The following NELL2 variants were observed in gnomAD, a reference collection of about 807,000 sequenced individuals.
The protein encoded by NELL2 is protein kinase C-binding protein NELL2.
NELL2 carries 41 observed loss-of-function variants against 109.6 expected under a neutral mutation model. The ratio of observed to expected loss-of-function variants is 0.37; its 90% CI spans 0.29 to 0.49. The LOEUF is 0.49. NELL2 is among the 20% of genes least tolerant of loss of function. The pLI, the probability that NELL2 is intolerant of heterozygous loss-of-function variation, is 0.98. For synonymous variants in NELL2, 355 were observed against 344.7 expected, an observed-to-expected ratio of 1.03 and a Z score of -0.33; for missense variants, 900 against 1,008.3, an observed-to-expected ratio of 0.89 and a Z score of 1.45.
At chr12:44,666,910 AC>A (rs1480031497) in intron 12 of NELL2, among the ~76,000 whole-genome samples, 1 of 152,106 alleles carries the variant, frequency 6.6e-6, no homozygotes, top group Admixed American at 6.5e-5. Context: ...CATCCTTTAT[AC>A]ATACTGTTCT....
intron 12 of NELL2, among the ~76,000 whole-genome samples, chr12:44,691,591 T>C (rs2136396003): frequency 1.3e-5 from 2 of 152,262 alleles, no homozygotes; most frequent in South Asian, 4.1e-4. Flanking sequence ...GAGGAAGGCA[T>C]GTTGAAAGTC....
intron 12 of NELL2, among the ~76,000 whole-genome samples, chr12:44,697,411 G>GTT (rs966839371): frequency 1.3e-5 from 2 of 152,082 alleles, no homozygotes; most frequent in African/African-American, 4.8e-5. Context: ...ACCATATACA[G>GTT]CTTTGGGGTA....
At chr12:44,882,436 C>T (rs999735022) in intron 1 of NELL2, among the ~76,000 whole-genome samples, 10 of 147,502 alleles carry the variant, frequency 6.8e-5, no homozygotes, top group Non-Finnish European at 1.2e-4. Flanking sequence ...TACATACATA[C>T]GTGTATATAT....
intron 1 of NELL2, among the ~76,000 whole-genome samples, chr12:44,884,721 A>G (rs1172524778): frequency 6.6e-6 from 1 of 152,048 alleles, no homozygotes; most frequent in Non-Finnish European, 1.5e-5. Context: ...CATTCCAGAA[A>G]TGCAAGGTTG....
intron 9 of NELL2, among the ~76,000 whole-genome samples, chr12:44,768,292 T>C (rs192002773): frequency 8.0e-5 from 12 of 149,486 alleles, no homozygotes; most frequent in African/African-American, 2.4e-4. Flanking sequence ...GGTAGCAGCA[T>C]GCCAAGTGCC....
chr12:44,554,911 A>G (rs1367374921), intron 15 of NELL2, among the ~76,000 whole-genome samples: 1 of 152,230 alleles, frequency 6.6e-6, no homozygotes, highest in East Asian at 1.9e-4. Flanking sequence ...CAGGAACACA[A>G]TAGTTTAGTA....
Position 44,658,749 on chromosome 12 carries a change from G to A in NELL2, c.1444+6735C>T, listed in dbSNP as rs144909733. ...AAATTAGCTGGGTGAGGTGGCAGGC[G>A]CCTGTAGTTCCAGCTACTCAGGAGT... On this transcript the variant is annotated intron_variant, in intron 13 of 19. Coordinates refer to ENST00000429094, the MANE Select transcript of NELL2 (RefSeq NM_001145108.2). 2.2e-4 allele frequency among the ~76,000 whole-genome samples: 33 copies of A among 151,618 alleles called. No homozygotes were observed. The East Asian group carries it at 5.6e-3, about 26-fold the overall frequency.
At chr12:44,710,880 C>G (rs1938159343) in intron 11 of NELL2, among the ~76,000 whole-genome samples, 1 of 151,956 alleles carries the variant, frequency 6.6e-6, no homozygotes, top group African/African-American at 2.4e-5. Flanking sequence ...GAAAAATATT[C>G]TAGGTAAGTT....
intron 14 of NELL2, 128 bp downstream of exon 14, chr12:44,610,720 C>T: frequency 7.6e-7 from 1 of 1,320,086 alleles, no homozygotes; most frequent in Non-Finnish European, 1.1e-6. Flanking sequence ...ATGAGCCACA[C>T]ACCAAAGCTT....
At chr12:44,617,931 A>T (rs1945901592) in intron 13 of NELL2, among the ~76,000 whole-genome samples, 1 of 152,042 alleles carries the variant, frequency 6.6e-6, no homozygotes, top group Admixed American at 6.6e-5. Context: ...TCTTTTCTGA[A>T]ATCAAATCTA....
At chr12:44,593,479 C>T (rs1944834919) in intron 15 of NELL2, among the ~76,000 whole-genome samples, 2 of 152,110 alleles carry the variant, frequency 1.3e-5, no homozygotes, top group African/African-American at 4.8e-5. Flanking sequence ...TAACTTCAGG[C>T]TTGTCAATTT....
chr12:44,692,751 C>A (rs1948939432), intron 12 of NELL2, among the ~76,000 whole-genome samples: 2 of 152,048 alleles, frequency 1.3e-5, no homozygotes, highest in African/African-American at 2.4e-5. Context: ...GGAGTAGCTG[C>A]AGATGTAGTG....
intron 15 of NELL2, among the ~76,000 whole-genome samples, chr12:44,588,396 G>A (rs993914844): frequency 1.3e-5 from 2 of 152,096 alleles, no homozygotes; most frequent in African/African-American, 2.4e-5. Flanking sequence ...GTGGGGGTCT[G>A]TTGAAGGAAA....
chr12:44,574,198 G>A (rs73282394), intron 15 of NELL2, among the ~76,000 whole-genome samples: 3,637 of 151,990 alleles, frequency 0.024, 139 homozygotes, highest in African/African-American at 0.081. Context: ...CCAGCCCCCT[G>A]GGTTTAAGTG....
intron 13 of NELL2, among the ~76,000 whole-genome samples, chr12:44,623,278 T>G (rs1946123689): frequency 6.6e-6 from 1 of 152,144 alleles, no homozygotes; most frequent in African/African-American, 2.4e-5. Context: ...TGTATGTATA[T>G]AATTTATATG....
chr12:44,739,926 A>G (rs1401871391), intron 9 of NELL2, among the ~76,000 whole-genome samples: 3 of 152,198 alleles, frequency 2.0e-5, no homozygotes, highest in Non-Finnish European at 4.4e-5. Context: ...TGGTTTTATT[A>G]GAAGACCGCA....
At chr12:44,854,762 G>T (rs551047422) in intron 2 of NELL2, among the ~76,000 whole-genome samples, 1 of 151,886 alleles carries the variant, frequency 6.6e-6, no homozygotes, top group Non-Finnish European at 1.5e-5. Flanking sequence ...GTGGATGGAT[G>T]ACTGGATAGA....
intron 1 of NELL2, among the ~76,000 whole-genome samples, chr12:44,887,224 A>C (rs2710414): frequency 0.024 from 3,707 of 151,940 alleles, 192 homozygotes; most frequent in African/African-American, 0.085. Context: ...ACTATATTCC[A>C]CCGGCTGGTC....
chr12:44,800,525 T>C (rs1162347084), intron 3 of NELL2, among the ~76,000 whole-genome samples: 2 of 152,158 alleles, frequency 1.3e-5, no homozygotes, highest in Non-Finnish European at 2.9e-5. Flanking sequence ...ATTCCCAAAA[T>C]GGTAGCTTTT....
Sources: allele counts gnomAD v4.1 joint callset (sites outside exome capture counted in the v4.1 genomes callset), GRCh38; gene constraint gnomAD v4.1.1; transcripts MANE v1.5; gene names NCBI Gene and HGNC (gene_info 2026-07-23, HGNC 2026-07-21).